Variants in SHC3 observed in about 807,000 individuals in gnomAD.
SHC3 encodes the protein SHC-transforming protein 3.
Under a neutral mutation model 60.4 loss-of-function variants are expected in SHC3, and 15 were observed. That is an observed-to-expected ratio of 0.25 (90% confidence interval 0.17 to 0.38). The LOEUF is 0.38. Ranked by LOEUF, SHC3 falls within the 10% of genes least tolerant of loss-of-function variation. The pLI is 1.00. For missense variants in SHC3, 677 were observed against 786.1 expected (o/e 0.86, Z 1.66); for synonymous variants, 294 against 325.9 (o/e 0.90, Z 1.05).
chr9:89,101,250 T>G (rs746020840), intron 2 of SHC3, among the ~76,000 whole-genome samples: 6 of 152,224 alleles, frequency 3.9e-5, no homozygotes, highest in Non-Finnish European at 7.4e-5. Flanking sequence ...ATATTTGTAT[T>G]TTGACATTGT....
intron 2 of SHC3, among the ~76,000 whole-genome samples, chr9:89,099,841 G>A (rs1448043049): frequency 6.6e-6 from 1 of 152,222 alleles, no homozygotes; most frequent in Non-Finnish European, 1.5e-5. Context: ...TGAGTTTGTG[G>A]ATGGGAGATC....
chr9:89,110,281 T>A, intron 2 of SHC3: 1 of 984,568 alleles, frequency 1.0e-6, no homozygotes. Context: ...AAACAGATAA[T>A]TAGGGATTAA....
chr9:89,131,739 G>C (rs1372749939), intron 1 of SHC3, among the ~76,000 whole-genome samples: 4 of 152,136 alleles, frequency 2.6e-5, no homozygotes, highest in Non-Finnish European at 4.4e-5. Context: ...CAATAAACTA[G>C]GTATTGATGG....
intron 2 of SHC3, among the ~76,000 whole-genome samples, chr9:89,095,771 T>A (rs1303962834): frequency 6.6e-6 from 1 of 152,160 alleles, no homozygotes; most frequent in Non-Finnish European, 1.5e-5. Flanking sequence ...AAACTGACTT[T>A]CATATTGATT....
chr9:89,091,730 CTG>C (rs1299076302), intron 2 of SHC3, among the ~76,000 whole-genome samples: 1 of 152,194 alleles, frequency 6.6e-6, no homozygotes, highest in African/African-American at 2.4e-5. Flanking sequence ...CAACTGAACT[CTG>C]TACCCATTAA....
In SHC3 at chr9:89,071,244, C is replaced by T. The variant is rs1371077393; in HGVS notation, c.738G>A (p.Ala246=). The change falls in exon 5 of 12, where the codon GCG becomes GCA. Residue 246 remains alanine (A), a synonymous_variant. Transcript: ENST00000375835. ...AGGAGATGGACCGCATGTGGTGATTCGCTATGATCTGCCAGGCCCAAAACA... is the reference window on the plus strand; with the variant it reads ...AGGAGATGGACCGCATGTGGTGATTTGCTATGATCTGCCAGGCCCAAAACA... ...LRTPDSKQII[A]NHHMRSISFA... The T allele has an allele frequency of 6.2e-6, 10 of 1,613,986 alleles. 1 individual carries two copies. The highest frequency in any genetic ancestry group is 6.8e-6 in the Non-Finnish European group (8 of 1,180,006).
chr9:89,063,925 G>C lies in SHC3; in HGVS notation c.835+1604C>G, dbSNP rs117011167. On this transcript the variant is annotated intron_variant, in intron 6 of 11. Transcript: ENST00000375835. ...TGGGACTGCTGTAACAACACCACAG[G>C]CTGGGTGACTTCAACAACAGACATT... is the stretch of plus-strand genomic sequence containing the variant. 7.7e-3 allele frequency among the ~76,000 whole-genome samples: 1,178 copies of C among 152,352 alleles called. 13 individuals are homozygous for C. The highest frequency in any genetic ancestry group is 0.014 in the South Asian group (68 of 4,828).
intron 6 of SHC3, among the ~76,000 whole-genome samples, chr9:89,059,506 C>A (rs1029453864): frequency 1.7e-5 from 2 of 117,206 alleles, no homozygotes; most frequent in East Asian, 5.8e-4. Context: ...AGTGTTAGGA[C>A]GTGGTGGAGG....
At chr9:89,123,945 G>A (rs1201722904) in intron 1 of SHC3, among the ~76,000 whole-genome samples, 1 of 152,060 alleles carries the variant, frequency 6.6e-6, no homozygotes, top group East Asian at 1.9e-4. Context: ...TTGCCTTTTA[G>A]GCATCTGGTA....
Position 89,038,298 on chromosome 9 carries a change from A to G in SHC3, c.1361-10T>C, listed in dbSNP as rs762730290. On this transcript the variant is annotated splice_polypyrimidine_tract_variant and intron_variant, in intron 10 of 11. Transcript: ENST00000375835. ...GCATCTTCAAAAGGTTCTGTCATCA[A>G]CAATATTGACCAGCAACAAGTCAAT... 14 of 1,604,002 alleles carry G rather than the reference A, an allele frequency of 8.7e-6. No individual in the cohort carries two copies. Among genetic ancestry groups the G allele is most frequent in the Middle Eastern group, 1.7e-4 (1 of 6,010 alleles).
chr9:89,029,459 A>G (rs1002008963), intron 11 of SHC3, among the ~76,000 whole-genome samples: 16 of 152,216 alleles, frequency 1.1e-4, no homozygotes, highest in African/African-American at 3.9e-4. Context: ...ATCAAAAGTG[A>G]CTGAAAAACA....
intron 11 of SHC3, among the ~76,000 whole-genome samples, chr9:89,028,058 G>T (rs1826350128): frequency 6.6e-6 from 1 of 152,232 alleles, no homozygotes; most frequent in African/African-American, 2.4e-5. Context: ...GTAGGAGGAG[G>T]ATGGTGACCC....
chr9:89,165,581 G>T (rs1447555748), intron 1 of SHC3, among the ~76,000 whole-genome samples: 1 of 145,414 alleles, frequency 6.9e-6, no homozygotes, highest in African/African-American at 2.5e-5. Context: ...GAAGGGAAAA[G>T]AAGAAAAACT....
intron 4 of SHC3, among the ~76,000 whole-genome samples, chr9:89,071,881 C>T (rs1825278504): frequency 6.6e-6 from 1 of 152,232 alleles, no homozygotes; most frequent in South Asian, 2.1e-4. Flanking sequence ...AACGAAGGCT[C>T]TGCCCACATC....
chr9:89,123,604 G>T lies in SHC3; in HGVS notation c.475-10978C>A, dbSNP rs28497655. Among the ~76,000 whole-genome samples, 1,178 of 152,300 alleles carry T rather than the reference G, an allele frequency of 7.7e-3. 10 individuals carry two copies. The highest frequency in any genetic ancestry group is 0.013 in the Admixed American group (192 of 15,302). On this transcript the variant is annotated intron_variant, in intron 1 of 11. Coordinates refer to ENST00000375835, the MANE Select transcript of SHC3 (RefSeq NM_016848.6). ...CAAGCCAGTGTGTCAAGATCTGGGG[G>T]TGTCACTAGAACTGCGGGGAGTACC...
intron 10 of SHC3, among the ~76,000 whole-genome samples, chr9:89,040,472 T>C (rs1824671662): frequency 6.6e-6 from 1 of 152,074 alleles, no homozygotes. Flanking sequence ...AAAGGGTAGC[T>C]CTGGTTCTCA....
intron 1 of SHC3, among the ~76,000 whole-genome samples, chr9:89,151,675 T>C (rs546973364): frequency 6.6e-6 from 1 of 152,352 alleles, no homozygotes; most frequent in South Asian, 2.1e-4. Context: ...ATTCTTTACA[T>C]ATTCCAGGAT....
intron 1 of SHC3, among the ~76,000 whole-genome samples, chr9:89,140,307 A>C (rs1391534382): frequency 1.3e-5 from 2 of 152,114 alleles, no homozygotes; most frequent in Non-Finnish European, 2.9e-5. Flanking sequence ...AGGGCTAATA[A>C]GCAGGGACAG....
intron 2 of SHC3, among the ~76,000 whole-genome samples, chr9:89,097,304 A>G (rs1825719583): frequency 6.6e-6 from 1 of 152,190 alleles, no homozygotes; most frequent in Non-Finnish European, 1.5e-5. Flanking sequence ...TTTACTTCAA[A>G]AGGAACTATA....
Sources: allele counts gnomAD v4.1 joint callset (sites outside exome capture counted in the v4.1 genomes callset), GRCh38; gene constraint gnomAD v4.1.1; transcripts MANE v1.5; gene names NCBI Gene and HGNC (gene_info 2026-07-23, HGNC 2026-07-21).